ABLIM1: variants seen among roughly 807,000 people sequenced by gnomAD.
ABLIM1 encodes actin-binding LIM protein 1.
ABLIM1 carries 40 observed loss-of-function variants against 107.0 expected under a neutral mutation model. That is an observed-to-expected ratio of 0.37 (90% confidence interval 0.29 to 0.49). ABLIM1 has a LOEUF of 0.49. Among genes scored for constraint, ABLIM1 ranks in the 20% least tolerant of loss-of-function variants. ABLIM1 has a pLI of 0.97. For synonymous variants in ABLIM1, 357 were observed against 357.3 expected (o/e 1.00, Z 0.01); for missense variants, 857 against 1,008.5 (o/e 0.85, Z 2.04).
chr10:114,780,523 G>A, the ABLIM1 span, among the ~76,000 whole-genome samples: 1 of 152,100 alleles, frequency 6.6e-6, no homozygotes, highest in Non-Finnish European at 1.5e-5. Flanking sequence ...TTATCATGCC[G>A]GGTAAAACTG....
chr10:114,479,960 A>G (rs1476354241), intron 8 of ABLIM1, among the ~76,000 whole-genome samples: 1 of 152,218 alleles, frequency 6.6e-6, no homozygotes, highest in African/African-American at 2.4e-5. Context: ...ATATCTTCAA[A>G]AGGCTCAGAG....
intron 1 of ABLIM1, among the ~76,000 whole-genome samples, chr10:114,763,524 C>G (rs808297): frequency 0.057 from 8,604 of 151,720 alleles, 317 homozygotes; most frequent in Middle Eastern, 0.096. Flanking sequence ...GTAGCTGGGA[C>G]TACAGGTGCA....
chr10:114,638,916 C>T (rs1280022118), intron 1 of ABLIM1, among the ~76,000 whole-genome samples: 1 of 152,176 alleles, frequency 6.6e-6, no homozygotes, highest in Non-Finnish European at 1.5e-5. Context: ...ACCCACATAG[C>T]AAGACTTCAA....
intron 4 of ABLIM1, among the ~76,000 whole-genome samples, chr10:114,562,333 T>G (rs938871704): frequency 6.6e-6 from 1 of 152,058 alleles, no homozygotes. Flanking sequence ...ATCGAGACCA[T>G]CCTGGCTAAC....
intron 11 of ABLIM1, among the ~76,000 whole-genome samples, chr10:114,466,297 G>A (rs1457956347): frequency 6.6e-6 from 1 of 152,080 alleles, no homozygotes; most frequent in Non-Finnish European, 1.5e-5. Context: ...ACGACAGAGT[G>A]AGACACTGTT....
upstream of ABLIM1, among the ~76,000 whole-genome samples, chr10:114,659,546 CAA>C (rs1227174222): frequency 6.6e-6 from 1 of 152,014 alleles, no homozygotes; most frequent in East Asian, 1.9e-4. Context: ...TTGAAAAATA[CAA>C]AATATATATA....
chr10:114,569,674 T>C (rs891253614), intron 4 of ABLIM1, among the ~76,000 whole-genome samples: 3 of 152,168 alleles, frequency 2.0e-5, no homozygotes, highest in African/African-American at 2.4e-5. Flanking sequence ...TCCCAAATAA[T>C]GGGGTGACAA....
At chr10:114,791,269 T>C in the ABLIM1 span, among the ~76,000 whole-genome samples, 2 of 152,166 alleles carry the variant, frequency 1.3e-5, no homozygotes, top group African/African-American at 4.8e-5. Context: ...AAAAATTGTT[T>C]GTAGAGACAG....
chr10:114,576,441 T>C (rs1480476780), intron 2 of ABLIM1, among the ~76,000 whole-genome samples: 1 of 152,202 alleles, frequency 6.6e-6, no homozygotes, highest in Non-Finnish European at 1.5e-5. Flanking sequence ...AACCTTGCTA[T>C]CCCCAAGGTC....
At chr10:114,680,391 T>G (rs2080695315) in intron 1 of ABLIM1, among the ~76,000 whole-genome samples, 1 of 152,226 alleles carries the variant, frequency 6.6e-6, no homozygotes, top group South Asian at 2.1e-4. Context: ...GCTCAAGCAC[T>G]TCACCAGTGC....
At chr10:114,437,068 A>G (rs1348144639) in intron 22 of ABLIM1, among the ~76,000 whole-genome samples, 1 of 152,168 alleles carries the variant, frequency 6.6e-6, no homozygotes, top group African/African-American at 2.4e-5. Context: ...AGGAATGTGG[A>G]AACAGCCAAG....
intron 1 of ABLIM1, among the ~76,000 whole-genome samples, chr10:114,648,792 A>G (rs2079113607): frequency 6.6e-6 from 1 of 152,164 alleles, no homozygotes; most frequent in Non-Finnish European, 1.5e-5. Flanking sequence ...GGCACTTACT[A>G]CCTGGTAGGG....
intron 2 of ABLIM1, among the ~76,000 whole-genome samples, chr10:114,586,982 A>G (rs2074267248): frequency 6.6e-6 from 1 of 152,192 alleles, no homozygotes; most frequent in Non-Finnish European, 1.5e-5. Context: ...GCCTACCCCC[A>G]TCTTCATCCA....
At chr10:114,445,862 C>T (rs2060941892) in intron 15 of ABLIM1, among the ~76,000 whole-genome samples, 1 of 152,176 alleles carries the variant, frequency 6.6e-6, no homozygotes, top group Admixed American at 6.5e-5. Flanking sequence ...CCTCGACCTC[C>T]AGGCTCAAGC....
At chr10:114,715,114 T>C (rs1211956731) in intron 1 of ABLIM1, among the ~76,000 whole-genome samples, 3 of 152,202 alleles carry the variant, frequency 2.0e-5, no homozygotes, top group Non-Finnish European at 4.4e-5. Context: ...TAATATAATA[T>C]TATCCTTAAT....
the ABLIM1 span, chr10:114,778,184 CA>C: frequency 6.5e-6 from 1 of 152,906 alleles, no homozygotes; most frequent in Non-Finnish European, 1.5e-5. Flanking sequence ...GGCAACATGG[CA>C]AAATCCCATC....
intron 6 of ABLIM1, among the ~76,000 whole-genome samples, chr10:114,497,828 T>C (rs1027125268): frequency 5.3e-5 from 8 of 152,166 alleles, no homozygotes; most frequent in African/African-American, 1.2e-4. Flanking sequence ...TTTTACAAAG[T>C]ACCTGCCTAC....
chr10:114,474,176 C>T lies in ABLIM1; in HGVS notation c.1042-220G>A, dbSNP rs2067123106. Among the ~76,000 whole-genome samples, 3 of 152,172 alleles carry T rather than the reference C, an allele frequency of 2.0e-5. No homozygotes were observed. In the South Asian group the frequency reaches 6.2e-4, roughly 32 times the overall value. On this transcript the variant is annotated intron_variant, in intron 8 of 22. Coordinates refer to ENST00000533213, the MANE Select transcript of ABLIM1 (RefSeq NM_002313.7). ...TGGGGAGGCCTTTCTCTGGCCCTTC[C>T]TGCTCCTTGTCCCCTACGAGAATTT...
At position 114,470,397 on chromosome 10, in the gene ABLIM1, G is replaced by A. The variant is rs548525621; in HGVS notation, c.1276-2181C>T. ...AAGATTGCACCACTACACTCCAGCT[G>A]GGTGACAGAGTGAGACTCCACCTCA... is the stretch of plus-strand genomic sequence containing the variant. On this transcript the variant is annotated intron_variant, in intron 10 of 22. Coordinates refer to ENST00000533213, the MANE Select transcript of ABLIM1 (RefSeq NM_002313.7). 2.2e-5 allele frequency among the ~76,000 whole-genome samples: 3 copies of A among 138,860 alleles called. No homozygotes were observed. In the Admixed American group the frequency reaches 2.3e-4, roughly 11 times the overall value. 91.1% of individuals were successfully genotyped at this position (138,860 alleles called of 152,430 possible).
Sources: allele counts gnomAD v4.1 joint callset (sites outside exome capture counted in the v4.1 genomes callset), GRCh38; gene constraint gnomAD v4.1.1; transcripts MANE v1.5; gene names NCBI Gene and HGNC (gene_info 2026-07-23, HGNC 2026-07-21).